PTPRM: variants seen among roughly 807,000 people sequenced by gnomAD.
The protein encoded by PTPRM is protein tyrosine phosphatase receptor type M.
In PTPRM, 47 loss-of-function variants were observed where a neutral mutation model predicts 186.7. The observed-to-expected ratio is 0.25, with a 90% confidence interval of 0.20 to 0.32. The LOEUF is 0.32. Among genes scored for constraint, PTPRM ranks in the 10% least tolerant of loss-of-function variants. The pLI is 1.00. For synonymous variants in PTPRM, 668 were observed against 674.9 expected (o/e 0.99, Z 0.16); for missense variants, 1,494 against 1,865.0 (o/e 0.80, Z 3.66).
At chr18:7,659,298 A>T (rs972165708) in intron 1 of PTPRM, among the ~76,000 whole-genome samples, 1 of 152,056 alleles carries the variant, frequency 6.6e-6, no homozygotes, top group Non-Finnish European at 1.5e-5. Context: ...CTCTGAATTC[A>T]TTTCTGTGTT....
intron 14 of PTPRM, among the ~76,000 whole-genome samples, chr18:8,221,288 C>T (rs1372707877): frequency 6.6e-6 from 1 of 152,180 alleles, no homozygotes; most frequent in Non-Finnish European, 1.5e-5. Flanking sequence ...GTTTCACATG[C>T]CGTCTATCCC....
At chr18:8,349,242 A>C (rs748558013) in intron 23 of PTPRM, among the ~76,000 whole-genome samples, 1 of 152,226 alleles carries the variant, frequency 6.6e-6, no homozygotes, top group Non-Finnish European at 1.5e-5. Flanking sequence ...CTTTTATAAA[A>C]AGTGTGGAAA....
At chr18:8,275,846 CT>C (rs1050092539) in intron 19 of PTPRM, among the ~76,000 whole-genome samples, 1 of 152,164 alleles carries the variant, frequency 6.6e-6, no homozygotes, top group African/African-American at 2.4e-5. Flanking sequence ...CCAGACTTTG[CT>C]TTCCTGAGTC....
At chr18:7,772,121 A>G (rs765656414) in intron 1 of PTPRM, among the ~76,000 whole-genome samples, 65 of 152,290 alleles carry the variant, frequency 4.3e-4, no homozygotes, top group Admixed American at 1.2e-3. Context: ...GGGCCTGTAA[A>G]CCTTTTAGTA....
At chr18:7,951,661 A>G (rs73381856) in intron 6 of PTPRM, among the ~76,000 whole-genome samples, 4,449 of 152,262 alleles carry the variant, frequency 0.029, 143 homozygotes, top group African/African-American at 0.076. Context: ...GACAATTTGC[A>G]TGCAGTTAGG....
At chr18:8,066,394 G>A (rs2148413115) in intron 7 of PTPRM, among the ~76,000 whole-genome samples, 1 of 152,144 alleles carries the variant, frequency 6.6e-6, no homozygotes, top group East Asian at 1.9e-4. Flanking sequence ...TTGGACCCTG[G>A]TAAGAGAAAA....
chr18:7,939,984 C>T (rs1346428473), intron 5 of PTPRM, among the ~76,000 whole-genome samples: 2 of 152,110 alleles, frequency 1.3e-5, no homozygotes, highest in South Asian at 2.1e-4. Context: ...TCAGTGGTAC[C>T]TGAGGTTCTG....
intron 1 of PTPRM, among the ~76,000 whole-genome samples, chr18:7,680,938 C>T (rs1041139643): frequency 1.3e-5 from 2 of 152,050 alleles, no homozygotes; most frequent in African/African-American, 4.8e-5. Flanking sequence ...TCAAGGTCAC[C>T]ATTTCCCATA....
Position 8,287,912 on chromosome 18 carries a change from G to A in PTPRM, c.2755-8456G>A, listed in dbSNP as rs1444525104. Reference sequence around the variant, plus strand: ...GGGGACCTGTGACAGATTGCTCACTGACATCACTATTTTGACACCCCATTA... The same window carrying A: ...GGGGACCTGTGACAGATTGCTCACTAACATCACTATTTTGACACCCCATTA... On this transcript the variant is annotated intron_variant, in intron 19 of 32. Coordinates refer to ENST00000580170, the MANE Select transcript of PTPRM (RefSeq NM_001105244.2). 2.0e-5 allele frequency among the ~76,000 whole-genome samples: 3 copies of A among 152,164 alleles called. No individual in the cohort carries two copies. In the East Asian group the frequency reaches 5.8e-4, roughly 29 times the overall value.
chr18:8,180,136 G>GA lies in PTPRM; in HGVS notation c.2300+36365dup, dbSNP rs200976549. ...GTAAGCAGGAGAGTGAAAGGGAGGG[G>GA]AAAAAAAACATGTATGGAGGTTGAA... On this transcript the variant is annotated intron_variant, in intron 14 of 32. Coordinates refer to ENST00000580170, the MANE Select transcript of PTPRM (RefSeq NM_001105244.2). Among the ~76,000 whole-genome samples, 10 of 151,952 alleles carry GA rather than the reference G, an allele frequency of 6.6e-5. No individual in the cohort carries two copies. The East Asian group carries it at 1.2e-3, about 18-fold the overall frequency.
intron 8 of PTPRM, among the ~76,000 whole-genome samples, chr18:8,073,769 G>C (rs1049832370): frequency 2.6e-5 from 4 of 152,096 alleles, no homozygotes; most frequent in Non-Finnish European, 5.9e-5. Flanking sequence ...TAGCTGGCAT[G>C]CTGGTGCATA....
chr18:7,916,615 T>G (rs2050571777), intron 4 of PTPRM, among the ~76,000 whole-genome samples: 1 of 151,914 alleles, frequency 6.6e-6, no homozygotes, highest in African/African-American at 2.4e-5. Context: ...CCTTTTCTTT[T>G]TTAAAAAAAA....
At chr18:8,334,336 A>C (rs780913536) in intron 22 of PTPRM, among the ~76,000 whole-genome samples, 1 of 152,184 alleles carries the variant, frequency 6.6e-6, no homozygotes, top group Non-Finnish European at 1.5e-5. Context: ...TCAAGAGGTC[A>C]GCCTATCCAC....
At chr18:7,706,415 A>G (rs545402569) in intron 1 of PTPRM, among the ~76,000 whole-genome samples, 1 of 151,890 alleles carries the variant, frequency 6.6e-6, no homozygotes, top group South Asian at 2.1e-4. Context: ...TGGACAGCAT[A>G]GGGAGACCCT....
chr18:7,937,808 C>CT (rs1433462387), intron 5 of PTPRM, among the ~76,000 whole-genome samples: 1 of 152,142 alleles, frequency 6.6e-6, no homozygotes, highest in Non-Finnish European at 1.5e-5. Flanking sequence ...TCGTCATCAG[C>CT]TTGTGTGTTT....
chr18:7,592,505 G>A (rs141757970), intron 1 of PTPRM, among the ~76,000 whole-genome samples: 33 of 152,302 alleles, frequency 2.2e-4, no homozygotes, highest in African/African-American at 7.0e-4. Context: ...GAGCTGTCAG[G>A]CCTCTGCCCA....
At chr18:7,891,106 G>T (rs2049051726) in intron 3 of PTPRM, among the ~76,000 whole-genome samples, 2 of 132,884 alleles carry the variant, frequency 1.5e-5, no homozygotes, top group South Asian at 5.1e-4. Flanking sequence ...GCGAAATCCA[G>T]TGTCTCCAAA....
chr18:7,714,422 T>C (rs2040279132), intron 1 of PTPRM, among the ~76,000 whole-genome samples: 1 of 151,970 alleles, frequency 6.6e-6, no homozygotes, highest in Non-Finnish European at 1.5e-5. Flanking sequence ...GCAGGAAAGA[T>C]CTAAAATTGG....
At chr18:8,237,921 T>C (rs1010322068) in intron 14 of PTPRM, among the ~76,000 whole-genome samples, 3 of 151,488 alleles carry the variant, frequency 2.0e-5, no homozygotes, top group Non-Finnish European at 2.9e-5. Context: ...GTAATTCTTA[T>C]CCTCACTCCT....
Sources: allele counts gnomAD v4.1 joint callset (sites outside exome capture counted in the v4.1 genomes callset), GRCh38; gene constraint gnomAD v4.1.1; transcripts MANE v1.5; gene names NCBI Gene and HGNC (gene_info 2026-07-23, HGNC 2026-07-21).